The following GPR137B variants were observed in gnomAD, a reference collection of about 807,000 sequenced individuals.
GPR137B encodes G protein-coupled receptor 137B.
A neutral mutation model predicts 42.5 loss-of-function variants in GPR137B; 42 were observed. The ratio of observed to expected loss-of-function variants is 0.99; its 90% confidence interval spans 0.77 to 1.28. GPR137B has a LOEUF of 1.28. Among genes scored for constraint, GPR137B ranks in the 50% most tolerant of loss-of-function variants. The pLI is 0.00. For synonymous variants in GPR137B, 218 were observed against 209.7 expected (o/e 1.04, Z -0.34); for missense variants, 487 against 493.9 (o/e 0.99, Z 0.13).
intron 1 of GPR137B, among the ~76,000 whole-genome samples, chr1:236,166,702 T>C (rs937807368): frequency 2.6e-5 from 4 of 151,934 alleles, no homozygotes; most frequent in Non-Finnish European, 5.9e-5. Context: ...TCTTTAGGAA[T>C]GGCCGGGCAC....
intron 6 of GPR137B, 34 bp downstream of exon 6, chr1:236,205,284 C>G (rs1231073873): frequency 6.3e-7 from 1 of 1,588,270 alleles, no homozygotes; most frequent in Non-Finnish European, 8.6e-7. Flanking sequence ...CAAGCCTCAT[C>G]AGGAGGGAAG....
chr1:236,192,104 C>T (rs57879176), intron 5 of GPR137B, among the ~76,000 whole-genome samples: 281 of 152,294 alleles, frequency 1.8e-3, no homozygotes, highest in African/African-American at 6.2e-3. Flanking sequence ...AACTTCCCAG[C>T]GGCTTTGTTT....
At chr1:236,143,516 G>T (rs183946837) in intron 1 of GPR137B, among the ~76,000 whole-genome samples, 22 of 152,348 alleles carry the variant, frequency 1.4e-4, no homozygotes, top group African/African-American at 5.3e-4. Context: ...GCGTTGGCAG[G>T]GTGAGACCAT....
Position 236,208,196 on chromosome 1 carries a change from A to T in GPR137B, c.*38A>T. ...GTTTTATGGACGATTCCTCAGATGA[A>T]AAGCTTCAGAAAAGCATAGTGACAG... On this transcript the variant is annotated 3_prime_UTR_variant, in exon 7 of 7. Coordinates refer to ENST00000366592, the MANE Select transcript of GPR137B (RefSeq NM_003272.4). 2 of 1,601,730 alleles carry T rather than the reference A, an allele frequency of 1.2e-6. No individual in the cohort carries two copies. Among genetic ancestry groups the T allele is most frequent in the Non-Finnish European group, 1.7e-6 (2 of 1,173,202 alleles).
chr1:236,163,494 C>G (rs770038455), intron 1 of GPR137B, among the ~76,000 whole-genome samples: 12 of 152,042 alleles, frequency 7.9e-5, no homozygotes, highest in Non-Finnish European at 1.5e-4. Flanking sequence ...TGGCTGTGTC[C>G]CCCTCCAAAT....
rs1397577120 is a variant in GPR137B at position 236,142,903 on chromosome 1, T to C, written c.281T>C (p.Val94Ala). ...LCLFWASLRT[V>A]LFSFYFKDFV... ...CTCTTCTGGGCCTCCCTGCGGACCG[T>C]CCTCTTCTCCTTCTACTTCAAAGAC... is the stretch of plus-strand genomic sequence containing the variant. Residue 94 changes from valine to alanine, a missense_variant, in exon 1 of 7, where the codon GTC becomes GCC. Transcript: ENST00000366592. The C allele has an allele frequency of 6.2e-7, 1 of 1,614,254 alleles. No individual in the cohort carries two copies. Among genetic ancestry groups the C allele is most frequent in the Admixed American group, 1.7e-5 (1 of 60,036 alleles).
rs77013009 is a variant in GPR137B, at chr1:236,207,775, G to A, written c.1092-275G>A. On this transcript the variant is annotated intron_variant, in intron 6 of 6. Transcript: ENST00000366592. ...CCATGTTAGGATTCAGATGCAGTTT[G>A]TTGCTGAAAACATTTCCTATGCATA... Among the ~76,000 whole-genome samples the A allele has an allele frequency of 5.0e-3, 764 of 152,218 alleles. 9 individuals carry two copies. The highest frequency in any genetic ancestry group is 0.017 in the African/African-American group (716 of 41,512).
chr1:236,159,565 C>A (rs12072536), intron 1 of GPR137B, among the ~76,000 whole-genome samples: 3,474 of 150,694 alleles, frequency 0.023, 157 homozygotes, highest in African/African-American at 0.079. Context: ...CCCAGCTACT[C>A]GGGAGGCTGA....
chr1:236,179,753 C>T, intron 3 of GPR137B, 126 bp from the exon 4 acceptor site: 1 of 637,718 alleles, frequency 1.6e-6, no homozygotes, highest in South Asian at 2.6e-5. Context: ...TGATGGAAGA[C>T]CCAACAAGAT....
At chr1:236,185,634 C>T (rs1205759563) in intron 5 of GPR137B, among the ~76,000 whole-genome samples, 1 of 152,240 alleles carries the variant, frequency 6.6e-6, no homozygotes, top group Admixed American at 6.5e-5. Flanking sequence ...CAGCTCACCT[C>T]AGCCTTGACC....
At chr1:236,188,121 GCTCT>G (rs1251666539) in intron 5 of GPR137B, among the ~76,000 whole-genome samples, 4 of 151,738 alleles carry the variant, frequency 2.6e-5, no homozygotes, top group Non-Finnish European at 5.9e-5. Context: ...TCATGATTTG[GCTCT>G]CTGTTATTGG....
At chr1:236,197,992 A>G (rs945841950) in intron 5 of GPR137B, among the ~76,000 whole-genome samples, 1 of 152,102 alleles carries the variant, frequency 6.6e-6, no homozygotes, top group Non-Finnish European at 1.5e-5. Context: ...AAGTGCTGGG[A>G]TTTCAGGCTT....
At chr1:236,174,286 A>T (rs1331460688) in intron 2 of GPR137B, among the ~76,000 whole-genome samples, 1 of 152,234 alleles carries the variant, frequency 6.6e-6, no homozygotes, top group East Asian at 1.9e-4. Flanking sequence ...GATTTGATAG[A>T]TAAAAATCAA....
In GPR137B at chr1:236,196,690, T is replaced by G. The variant is rs142623369; in HGVS notation, c.967-8436T>G. ...ATCTTCATAGCTCAGCTCCTGCTTATAAGTGAGAAGATATAATGTTTGGTT... is the reference window on the plus strand; with the variant it reads ...ATCTTCATAGCTCAGCTCCTGCTTAGAAGTGAGAAGATATAATGTTTGGTT... On this transcript the variant is annotated intron_variant, in intron 5 of 6. Transcript: ENST00000366592. 1.5e-4 allele frequency among the ~76,000 whole-genome samples: 23 copies of G among 152,332 alleles called. 1 individual carries two copies. The East Asian group carries it at 2.9e-3, about 19-fold the overall frequency.
chr1:236,149,757 G>T (rs768108024), intron 1 of GPR137B, among the ~76,000 whole-genome samples: 2 of 152,254 alleles, frequency 1.3e-5, no homozygotes, highest in Non-Finnish European at 2.9e-5. Flanking sequence ...TGGGCCCTGC[G>T]CCCATGGCCT....
intron 1 of GPR137B, among the ~76,000 whole-genome samples, chr1:236,168,004 T>A (rs183012628): frequency 6.6e-6 from 1 of 152,364 alleles, no homozygotes; most frequent in East Asian, 1.9e-4. Context: ...ATTTGATACT[T>A]CTTTTGTCCA....
chr1:236,208,821 G>T lies in GPR137B; in HGVS notation c.*663G>T, dbSNP rs1663744378. 1.0e-6 allele frequency: 1 copy of T among 983,234 alleles called. No homozygotes were observed. The highest frequency in any genetic ancestry group is 1.7e-5 in the African/African-American group (1 of 57,152). The allele number at this position is 983,234 out of a possible 1,614,324, so 60.9% of individuals were successfully genotyped here. A position where few individuals can be genotyped will look rare whatever the true frequency, so the allele number is the denominator to read the frequency against. On this transcript the variant is annotated 3_prime_UTR_variant, in exon 7 of 7. Coordinates refer to ENST00000366592, the MANE Select transcript of GPR137B (RefSeq NM_003272.4). ...AAGACTGGTACTTCCTTTCAGTAGG[G>T]CGCTAATGTATACACATTAATGATA...
chr1:236,168,962 G>A (rs977727430), intron 2 of GPR137B, among the ~76,000 whole-genome samples: 2 of 152,214 alleles, frequency 1.3e-5, no homozygotes, highest in Admixed American at 6.5e-5. Context: ...GAATCATGGG[G>A]ACTTGCATCA....
At position 236,171,996 on chromosome 1, in the gene GPR137B, G is replaced by A. The variant is rs903768212; in HGVS notation, c.464+3241G>A. On this transcript the variant is annotated intron_variant, in intron 2 of 6. Transcript: ENST00000366592. This position sits in a 1 kb window ranked among gnomAD's most constrained non-coding sequence, Gnocchi z 4.4. Reference sequence around the variant, plus strand: ...TGAGGTTGCAGTGAGCCGAGATTGTGCCATTGCACTCCAGCCTGGGCAACA... The same window carrying A: ...TGAGGTTGCAGTGAGCCGAGATTGTACCATTGCACTCCAGCCTGGGCAACA... Among the ~76,000 whole-genome samples, 4 of 149,760 alleles carry A rather than the reference G, an allele frequency of 2.7e-5. No individual in the cohort carries two copies. The highest frequency in any genetic ancestry group is 4.4e-5 in the Non-Finnish European group (3 of 67,884).
Sources: allele counts gnomAD v4.1 joint callset (sites outside exome capture counted in the v4.1 genomes callset), GRCh38; gene constraint gnomAD v4.1.1; non-coding constraint Gnocchi (gnomAD v3.1); transcripts MANE v1.5; gene names NCBI Gene and HGNC (gene_info 2026-07-23, HGNC 2026-07-21).